CD38: variants seen among roughly 807,000 people sequenced by gnomAD.
CD38 encodes ADP-ribosyl cyclase/cyclic ADP-ribose hydrolase 1.
In CD38, 31 loss-of-function variants were observed where a neutral mutation model predicts 36.3. The observed-to-expected ratio is 0.85, with a 90% CI of 0.64 to 1.15. The LOEUF (loss-of-function observed/expected upper bound fraction) is 1.15, where lower values mean the gene tolerates loss of function less well. Ranked by LOEUF, CD38 falls within the 50% of genes most tolerant of loss-of-function variation. The pLI is 0.00. For synonymous variants in CD38, 131 were observed against 135.2 expected, an observed-to-expected ratio of 0.97 and a Z score of 0.22; for missense variants, 380 against 371.9, an observed-to-expected ratio of 1.02 and a Z score of -0.18.
chr4:15,787,994 T>A (rs1722879478), intron 1 of CD38, among the ~76,000 whole-genome samples: 1 of 152,238 alleles, frequency 6.6e-6, no homozygotes, highest in African/African-American at 2.4e-5. Flanking sequence ...CTCCTCGCCC[T>A]CTGCGTCAGG....
In CD38 at chr4:15,848,522, T is replaced by C; in HGVS notation, c.840-17T>C. 6.2e-7 allele frequency: 1 copy of C among 1,606,754 alleles called. No homozygotes were observed. The highest frequency in any genetic ancestry group is 8.5e-7 in the Non-Finnish European group (1 of 1,173,490). ...TCCTACGGTCTCTTGATTTCCTTTTTTGCTTTCTTGTCATAGACCTGACAA... is the reference window on the plus strand; with the variant it reads ...TCCTACGGTCTCTTGATTTCCTTTTCTGCTTTCTTGTCATAGACCTGACAA... On this transcript the variant is annotated splice_polypyrimidine_tract_variant and intron_variant, in intron 7 of 7. Coordinates refer to ENST00000226279, the MANE Select transcript of CD38 (RefSeq NM_001775.4).
chr4:15,782,659 A>G (rs919453609), intron 1 of CD38, among the ~76,000 whole-genome samples: 1 of 152,244 alleles, frequency 6.6e-6, no homozygotes, highest in African/African-American at 2.4e-5. Flanking sequence ...GAACGACCTA[A>G]TACCATTACT....
chr4:15,816,039 T>G (rs990978345), intron 1 of CD38, among the ~76,000 whole-genome samples: 1 of 152,172 alleles, frequency 6.6e-6, no homozygotes. Flanking sequence ...TTTTTTTCAT[T>G]GGTTCTGATT....
Position 15,778,737 on chromosome 4 carries a change from G to A in CD38, c.233+90G>A. ...AGCCGCCCGGATCGCCCGGAACCGG[G>A]CATCTTCCGTGGCGGGTCAGCCGAG... On this transcript the variant is annotated intron_variant, in intron 1 of 7. Transcript: ENST00000226279. The surrounding 1 kb of genome is among the most constrained non-coding windows in gnomAD (Gnocchi z 4.9). The A allele has an allele frequency of 3.2e-6, 3 of 924,490 alleles. No homozygotes were observed. Among genetic ancestry groups the A allele is most frequent in the Non-Finnish European group, 5.0e-6 (3 of 605,002 alleles). The allele number at this position is 924,490 out of a possible 1,614,324, so 57.3% of individuals were successfully genotyped here. A position where few individuals can be genotyped will look rare whatever the true frequency, so the allele number is the denominator to read the frequency against.
intron 1 of CD38, among the ~76,000 whole-genome samples, chr4:15,786,559 G>A (rs970249702): frequency 2.0e-5 from 3 of 152,254 alleles, no homozygotes; most frequent in East Asian, 1.9e-4. Flanking sequence ...TGATTGGTCC[G>A]TTTACAAACC....
At chr4:15,785,939 C>T (rs907598009) in intron 1 of CD38, among the ~76,000 whole-genome samples, 2 of 152,174 alleles carry the variant, frequency 1.3e-5, no homozygotes, top group Admixed American at 1.3e-4. Flanking sequence ...TCGCTGGCTT[C>T]AGGAGTGAAG....
chr4:15,792,629 A>C (rs1014656836), intron 1 of CD38, among the ~76,000 whole-genome samples: 1 of 152,028 alleles, frequency 6.6e-6, no homozygotes, highest in African/African-American at 2.4e-5. Flanking sequence ...TATTTCATCT[A>C]TTTACCCATT....
intron 1 of CD38, among the ~76,000 whole-genome samples, chr4:15,782,469 A>T (rs1410415651): frequency 6.6e-6 from 1 of 152,226 alleles, no homozygotes; most frequent in South Asian, 2.1e-4. Context: ...AATCTAATAC[A>T]TGCCTCCTGG....
chr4:15,798,717 T>C (rs974406657), intron 1 of CD38, among the ~76,000 whole-genome samples: 5 of 152,220 alleles, frequency 3.3e-5, no homozygotes, highest in Admixed American at 6.5e-5. Context: ...AAAGTCCTCA[T>C]TGCTATTCAT....
chr4:15,786,126 A>G (rs918595477), intron 1 of CD38, among the ~76,000 whole-genome samples: 1 of 152,240 alleles, frequency 6.6e-6, no homozygotes, highest in African/African-American at 2.4e-5. Flanking sequence ...TGTGGACCCA[A>G]AGAGTGAGCA....
intron 5 of CD38, among the ~76,000 whole-genome samples, chr4:15,839,221 T>G (rs1178945922): frequency 6.6e-6 from 1 of 152,044 alleles, no homozygotes; most frequent in African/African-American, 2.4e-5. Context: ...GATCTAATAT[T>G]ATGGTTCAAG....
intron 3 of CD38, chr4:15,826,064 C>T (rs1723837856): frequency 6.6e-6 from 1 of 150,936 alleles, no homozygotes; most frequent in African/African-American, 2.4e-5. Context: ...ATTATAGCTT[C>T]TTTGTCCCAG....
intron 1 of CD38, among the ~76,000 whole-genome samples, chr4:15,785,395 C>T (rs1222129243): frequency 6.6e-6 from 1 of 152,038 alleles, no homozygotes; most frequent in East Asian, 1.9e-4. Context: ...ATTTCTATAC[C>T]TTTTGGCCTT....
Position 15,824,949 on chromosome 4 carries a change from C to T in CD38, c.432C>T (p.Thr144=). The T allele has an allele frequency of 6.2e-7, 1 of 1,613,660 alleles. No homozygotes were observed. The highest frequency in any genetic ancestry group is 8.5e-7 in the Non-Finnish European group (1 of 1,179,702). ...QFTQVQRDMF[T]LEDTLLGYLA... is the part of the protein sequence containing the mutation. ...CACAGGTCCAGCGGGACATGTTCACCCTGGAGGACACGCTGCTAGGCTACC... is the reference window on the plus strand; with the variant it reads ...CACAGGTCCAGCGGGACATGTTCACTCTGGAGGACACGCTGCTAGGCTACC... The change falls in exon 3 of 8, where the codon ACC becomes ACT. Residue 144 remains threonine (T), a synonymous_variant. Coordinates refer to ENST00000226279, the MANE Select transcript of CD38 (RefSeq NM_001775.4).
chr4:15,841,459 C>G (rs373449892), intron 7 of CD38, among the ~76,000 whole-genome samples: 1 of 152,186 alleles, frequency 6.6e-6, no homozygotes, highest in Non-Finnish European at 1.5e-5. Context: ...TATCTGGAAA[C>G]AGCCAGAAAA....
At chr4:15,790,232 A>G (rs1234711761) in intron 1 of CD38, among the ~76,000 whole-genome samples, 2 of 147,926 alleles carry the variant, frequency 1.4e-5, no homozygotes, top group African/African-American at 4.9e-5. Flanking sequence ...TCTGATGCCG[A>G]GCCAAAGCTG....
At chr4:15,838,390 G>T (rs1647590419) in intron 5 of CD38, among the ~76,000 whole-genome samples, 2 of 152,170 alleles carry the variant, frequency 1.3e-5, no homozygotes, top group Admixed American at 6.5e-5. Context: ...AATGGCCACT[G>T]CACTGTATCT....
chr4:15,819,649 G>C (rs944820822), intron 2 of CD38, among the ~76,000 whole-genome samples: 1 of 152,120 alleles, frequency 6.6e-6, no homozygotes, highest in Non-Finnish European at 1.5e-5. Flanking sequence ...AAGGATATCA[G>C]AGCTTGAAGA....
chr4:15,834,246 A>G lies in CD38; in HGVS notation c.529A>G (p.Arg177Gly). Residue 177 changes from arginine (R) to glycine (G), a missense_variant, in exon 4 of 8, where the codon AGA becomes GGA. Coordinates refer to ENST00000226279, the MANE Select transcript of CD38 (RefSeq NM_001775.4). ...KINYQSCPDW[R>G]KDCSNNPVSV... ...AAACTATCAATCTTGCCCAGACTGGAGAAAGGACTGCAGCAACAACCCTGT... is the reference window on the plus strand; with the variant it reads ...AAACTATCAATCTTGCCCAGACTGGGGAAAGGACTGCAGCAACAACCCTGT... The G allele has an allele frequency of 6.2e-7, 1 of 1,612,434 alleles. No individual in the cohort carries two copies. The highest frequency in any genetic ancestry group is 1.3e-5 in the African/African-American group (1 of 75,032).
Sources: allele counts gnomAD v4.1 joint callset (sites outside exome capture counted in the v4.1 genomes callset), GRCh38; gene constraint gnomAD v4.1.1; non-coding constraint Gnocchi (gnomAD v3.1); transcripts MANE v1.5; gene names NCBI Gene and HGNC (gene_info 2026-07-23, HGNC 2026-07-21).